The following PARP10 variants were observed in gnomAD, a reference collection of about 807,000 sequenced individuals.
The protein encoded by PARP10 is protein mono-ADP-ribosyltransferase PARP10.
Under a neutral mutation model 82.4 loss-of-function variants are expected in PARP10, and 56 were observed. The observed-to-expected ratio is 0.68, with a 90% CI of 0.55 to 0.85. PARP10 has a LOEUF of 0.85. Ranked by LOEUF, PARP10 falls within the 40% of genes least tolerant of loss-of-function variation. PARP10 has a pLI of 0.00. For missense variants in PARP10, 1,227 were observed against 1,379.4 expected (o/e 0.89, Z 1.75); for synonymous variants, 576 against 601.1 (o/e 0.96, Z 0.61).
chr8:144,010,861 G>A (rs977852579), intron 1 of PARP10, among the ~76,000 whole-genome samples: 2 of 151,548 alleles, frequency 1.3e-5, no homozygotes, highest in Non-Finnish European at 2.9e-5. Context: ...TTGCAGCCTG[G>A]GCAACAGACT....
Position 143,984,704 on chromosome 8 carries a change from C to T in PARP10, c.1298G>A (p.Gly433Glu). Residue 433 changes from glycine (G) to glutamate (E), a missense_variant, in exon 5 of 11, where the codon GGA becomes GAA. Coordinates refer to ENST00000313028, the MANE Select transcript of PARP10 (RefSeq NM_032789.5). ...CTCCTGCCCTGCCAGCTTCACACAT[C>T]CTGGGCTCACAGGCCCTGCCTTCTC... is the stretch of plus-strand genomic sequence containing the variant. ...SLEKAGPVSP[G>E]CVKLAGQEGL... 1 of 1,613,764 alleles carries T rather than the reference C, an allele frequency of 6.2e-7. No homozygotes were observed. Among genetic ancestry groups the T allele is most frequent in the Middle Eastern group, 1.6e-4 (1 of 6,062 alleles).
chr8:143,982,923 T>G lies in PARP10; in HGVS notation c.2556+9A>C. 2 of 1,613,214 alleles carry G rather than the reference T, an allele frequency of 1.2e-6. No individual in the cohort carries two copies. Among genetic ancestry groups the G allele is most frequent in the Non-Finnish European group, 1.7e-6 (2 of 1,179,894 alleles). ...GCCATGAGGCCAGAGAGACAGGGCATGGACTCACACGAACGACGCGGATGC... is the reference window on the plus strand; with the variant it reads ...GCCATGAGGCCAGAGAGACAGGGCAGGGACTCACACGAACGACGCGGATGC... On this transcript the variant is annotated intron_variant, in intron 9 of 10. Transcript: ENST00000313028.
chr8:143,977,769 G>A lies in PARP10; in HGVS notation c.2793C>T (p.Arg931=). The change falls in exon 11 of 11, where the codon CGC becomes CGT. Residue 931 remains arginine (R), a synonymous_variant. Transcript: ENST00000313028. ...GGCCATCGGCGTTGGGGGGCGAGTA[G>A]CGGTCCTGCACCGACAGGGAGGCGC... ...ARRASLSVQD[R]YSPPNADGHK... 6.2e-7 allele frequency: 1 copy of A among 1,604,726 alleles called. No individual in the cohort carries two copies. Among genetic ancestry groups the A allele is most frequent in the South Asian group, 1.1e-5 (1 of 89,944 alleles).
At chr8:143,991,742 A>G (rs781909344), upstream of PARP10, 1 of 1,613,820 alleles carries the variant, frequency 6.2e-7, no homozygotes. Flanking sequence ...CTACTATGAC[A>G]ACCAGGACTT....
Position 143,986,199 on chromosome 8 carries a change from C to A in PARP10, c.37G>T (p.Val13Leu). Residue 13 changes from valine (V) to leucine (L), a missense_variant, in exon 2 of 11, where the codon GTG becomes TTG. Physicochemically the swap from Val to Leu is conservative, Grantham distance 32. Transcript: ENST00000313028. ...GCAGGGGGCAGTCCACGGACCTCCA[C>A]TGCCACCCCTGCCTCTGCCTCCGCC... ...AMAEAEAGVAVEVRGLPPAVP... is the reference protein window; with the variant it reads ...AMAEAEAGVALEVRGLPPAVP... 1 of 1,613,792 alleles carries A rather than the reference C, an allele frequency of 6.2e-7. No individual in the cohort carries two copies. Among genetic ancestry groups the A allele is most frequent in the Middle Eastern group, 1.6e-4 (1 of 6,062 alleles).
rs191189535 is a variant in PARP10, at chr8:144,011,166, T to C, written c.-80+1364A>G. Reference sequence around the variant, plus strand: ...CACATAAAATGTAACCATCACTGACTGCATCAACCCAAGAGGCTAACAGTG... The same window carrying C: ...CACATAAAATGTAACCATCACTGACCGCATCAACCCAAGAGGCTAACAGTG... On this transcript the variant is annotated intron_variant, in intron 1 of 3. Transcript: ENST00000530478. The surrounding 1 kb of genome is among the most constrained non-coding windows in gnomAD (Gnocchi z 4.5). Among the ~76,000 whole-genome samples the C allele has an allele frequency of 6.6e-6, 1 of 152,210 alleles. No individual in the cohort carries two copies. The highest frequency in any genetic ancestry group is 1.9e-4 in the East Asian group (1 of 5,172).
Position 143,977,846 on chromosome 8 carries a change from G to A in PARP10, c.2732-16C>T, listed in dbSNP as rs782188047. 3.8e-6 allele frequency: 6 copies of A among 1,597,792 alleles called. No individual in the cohort carries two copies. Among genetic ancestry groups the A allele is most frequent in the Non-Finnish European group, 5.1e-6 (6 of 1,173,338 alleles). ...TAGACCGTGGCTGCAGGGCGAGACG[G>A]GGCAAGGTCAGGGTGGTCGGGGTGC... is the stretch of plus-strand genomic sequence containing the variant. On this transcript the variant is annotated splice_polypyrimidine_tract_variant and intron_variant, in intron 10 of 10. Transcript: ENST00000313028.
chr8:144,004,275 T>G (rs1475318855), intron 1 of PARP10, among the ~76,000 whole-genome samples: 1 of 151,710 alleles, frequency 6.6e-6, no homozygotes, highest in Admixed American at 6.6e-5. Context: ...AAAGAAGAAA[T>G]CTGCATGGTG....
chr8:143,995,001 A>G (rs1053665578), upstream of PARP10, among the ~76,000 whole-genome samples: 1 of 152,104 alleles, frequency 6.6e-6, no homozygotes, highest in Non-Finnish European at 1.5e-5. Flanking sequence ...ATGTGCCAGG[A>G]CATTGTTTTC....
At chr8:143,988,060 A>G (rs61512798), upstream of PARP10, among the ~76,000 whole-genome samples, 80,465 of 149,254 alleles carry the variant, frequency 0.54, 22,539 homozygotes, top group African/African-American at 0.66. Context: ...CTGCCTCAGT[A>G]GCCTGGGACT....
intron 6 of PARP10, 45 bp downstream of exon 6, chr8:143,984,165 A>C: frequency 6.4e-7 from 1 of 1,551,552 alleles, no homozygotes; most frequent in Non-Finnish European, 8.8e-7. Flanking sequence ...GGCCTGGGGC[A>C]GAGGCGTGAG....
At chr8:144,000,155 A>T (rs1834191864) in intron 1 of PARP10, among the ~76,000 whole-genome samples, 1 of 152,234 alleles carries the variant, frequency 6.6e-6, no homozygotes, top group Non-Finnish European at 1.5e-5. Context: ...CCAAATTCAT[A>T]TGCTGAAGTC....
chr8:143,978,966 C>A (rs1401782237), intron 9 of PARP10, among the ~76,000 whole-genome samples: 1 of 139,552 alleles, frequency 7.2e-6, no homozygotes, highest in Non-Finnish European at 1.5e-5. Context: ...GAAAACCCTG[C>A]AAGTTTTTTT....
chr8:143,995,886 C>A (rs1010222557), upstream of PARP10, among the ~76,000 whole-genome samples: 2 of 152,246 alleles, frequency 1.3e-5, no homozygotes, highest in African/African-American at 4.8e-5. Flanking sequence ...AGTGCCCTGT[C>A]CCAGCCAGTC....
rs202089310 is a variant in PARP10 at position 143,984,897 on chromosome 8, C to T, written c.1105G>A (p.Gly369Arg). 1.9e-6 allele frequency: 3 copies of T among 1,613,958 alleles called. No individual in the cohort carries two copies. The highest frequency in any genetic ancestry group is 4.5e-5 in the East Asian group (2 of 44,886). Reference sequence around the variant, plus strand: ...ATGGGCCCCTCCTGTTCCTGCAACCCCACAGGCCTCAGGCTTACCAGCCCC... The same window carrying T: ...ATGGGCCCCTCCTGTTCCTGCAACCTCACAGGCCTCAGGCTTACCAGCCCC... ...HEGLVSLRPVGLQEQEGPMSL... is the reference protein window; with the variant it reads ...HEGLVSLRPVRLQEQEGPMSL... Residue 369 changes from glycine to arginine, a missense_variant, in exon 5 of 11, where the codon GGG (glycine) becomes AGG (arginine). By Grantham distance (125) the Gly-to-Arg change is moderately radical. Coordinates refer to ENST00000313028, the MANE Select transcript of PARP10 (RefSeq NM_032789.5).
upstream of PARP10, among the ~76,000 whole-genome samples, chr8:143,994,761 C>T (rs1171560403): frequency 2.0e-5 from 3 of 152,148 alleles, no homozygotes; most frequent in African/African-American, 4.8e-5. Flanking sequence ...GTGGGCCACA[C>T]GGCTCCCCCT....
chr8:143,989,245 C>G (rs529123500), upstream of PARP10, among the ~76,000 whole-genome samples: 33 of 152,304 alleles, frequency 2.2e-4, no homozygotes, highest in African/African-American at 7.7e-4. The surrounding 1 kb of genome is among the most constrained non-coding windows in gnomAD (Gnocchi z 4.3). Context: ...AGTCACTGCT[C>G]CCCCAAGAGG....
At chr8:143,992,833 A>G (rs782297335), upstream of PARP10, 1 of 1,613,242 alleles carries the variant, frequency 6.2e-7, no homozygotes, top group African/African-American at 1.3e-5. Flanking sequence ...TGGCCGCGCC[A>G]AGGAGTAGCC....
chr8:143,999,820 A>G (rs1201260415), intron 1 of PARP10, among the ~76,000 whole-genome samples: 1 of 152,184 alleles, frequency 6.6e-6, no homozygotes, highest in African/African-American at 2.4e-5. Flanking sequence ...TAGAGAAGTC[A>G]GAAGTGAACT....
Sources: allele counts gnomAD v4.1 joint callset (sites outside exome capture counted in the v4.1 genomes callset), GRCh38; gene constraint gnomAD v4.1.1; non-coding constraint Gnocchi (gnomAD v3.1); transcripts MANE v1.5; gene names NCBI Gene and HGNC (gene_info 2026-07-23, HGNC 2026-07-21).